RASEF: variants seen among roughly 807,000 people sequenced by gnomAD.
RASEF encodes the protein RAS and EF-hand domain containing.
In RASEF, 68 loss-of-function variants were observed where a neutral mutation model predicts 90.1. The ratio of observed to expected loss-of-function variants is 0.75; its 90% confidence interval spans 0.62 to 0.92. The LOEUF (loss-of-function observed/expected upper bound fraction) is 0.92, where lower values mean the gene tolerates loss of function less well. Among genes scored for constraint, RASEF ranks in the 40% least tolerant of loss-of-function variants. RASEF has a pLI of 0.00. For synonymous variants in RASEF, 331 were observed against 345.2 expected, an observed-to-expected ratio of 0.96 and a Z score of 0.46; for missense variants, 949 against 937.2, an observed-to-expected ratio of 1.01 and a Z score of -0.16.
rs1291116144 is a variant in RASEF at position 82,982,745 on chromosome 9, A to G, written c.2155T>C (p.Ser719Pro). ...KKRTDKDDSR[S>P]ITNLTGTNSK... The stretch of plus-strand genomic sequence containing the variant: ...TTGGTCCCGGTTAGATTGGTAATGG[A>G]TCTGCTGTCATCCTTGTCAGTTCTC... The change falls in exon 17 of 17, where the codon TCC becomes CCC. Residue 719 changes from serine (S) to proline (P), a missense_variant. Ser to Pro is a moderately conservative substitution (Grantham distance 74). Transcript: ENST00000376447. 1 of 1,608,964 alleles carries G rather than the reference A, an allele frequency of 6.2e-7. No individual in the cohort carries two copies. Among genetic ancestry groups the G allele is most frequent in the African/African-American group, 1.3e-5 (1 of 74,858 alleles).
At chr9:83,193,762 A>C in the RASEF span, among the ~76,000 whole-genome samples, 1 of 152,230 alleles carries the variant, frequency 6.6e-6, no homozygotes. Context: ...ATGACTGAAG[A>C]CAAATGGGCA....
the RASEF span, among the ~76,000 whole-genome samples, chr9:83,210,769 A>G: frequency 6.6e-6 from 1 of 152,246 alleles, no homozygotes; most frequent in Non-Finnish European, 1.5e-5. Flanking sequence ...TTATAGGTAT[A>G]GTATAAATAG....
At chr9:83,186,917 T>G in the RASEF span, among the ~76,000 whole-genome samples, 2 of 152,218 alleles carry the variant, frequency 1.3e-5, no homozygotes, top group South Asian at 4.2e-4. Flanking sequence ...TTCTTAGAGA[T>G]AGCAAAGGGT....
intron 9 of RASEF, among the ~76,000 whole-genome samples, chr9:83,003,240 G>T (rs1829070515): frequency 6.6e-6 from 1 of 152,092 alleles, no homozygotes; most frequent in African/African-American, 2.4e-5. Context: ...ACACCCAGAA[G>T]GGGCATGGTG....
At chr9:83,130,119 A>G in the RASEF span, among the ~76,000 whole-genome samples, 1 of 152,228 alleles carries the variant, frequency 6.6e-6, no homozygotes, top group African/African-American at 2.4e-5. Context: ...CATTCTTTAG[A>G]GCTCACATTC....
the RASEF span, among the ~76,000 whole-genome samples, chr9:83,132,547 T>G: frequency 6.6e-6 from 1 of 152,170 alleles, no homozygotes. Flanking sequence ...GGCAATTAGT[T>G]TCACAGCAAT....
At chr9:83,119,000 TTTC>T in the RASEF span, among the ~76,000 whole-genome samples, 1 of 135,700 alleles carries the variant, frequency 7.4e-6, no homozygotes, top group Non-Finnish European at 1.6e-5. Flanking sequence ...ATTTTTTCTT[TTTC>T]TTTTCTTTTT....
the RASEF span, among the ~76,000 whole-genome samples, chr9:83,164,002 A>G: frequency 6.6e-6 from 1 of 151,060 alleles, no homozygotes; most frequent in African/African-American, 2.4e-5. Context: ...AGAGGAAAAA[A>G]AAAAAACCCT....
At chr9:83,058,798 C>T (rs1041885690) in intron 1 of RASEF, among the ~76,000 whole-genome samples, 2 of 152,158 alleles carry the variant, frequency 1.3e-5, no homozygotes, top group African/African-American at 2.4e-5. Context: ...ATACAATTCA[C>T]ATATGGAAAG....
At chr9:83,070,799 C>T in the RASEF span, among the ~76,000 whole-genome samples, 1 of 152,228 alleles carries the variant, frequency 6.6e-6, no homozygotes, top group African/African-American at 2.4e-5. Flanking sequence ...TATTTTCTCT[C>T]AACAATGTTG....
At chr9:83,074,038 A>G in the RASEF span, among the ~76,000 whole-genome samples, 1 of 152,186 alleles carries the variant, frequency 6.6e-6, no homozygotes, top group African/African-American at 2.4e-5. Flanking sequence ...ATATTTATGT[A>G]TATTTTCAAT....
the RASEF span, among the ~76,000 whole-genome samples, chr9:83,162,284 T>G: frequency 6.6e-6 from 1 of 152,160 alleles, no homozygotes; most frequent in South Asian, 2.1e-4. Context: ...AATGAAGCTT[T>G]GAAGAAGATA....
chr9:83,060,425 T>G (rs1269486617), intron 1 of RASEF, among the ~76,000 whole-genome samples: 1 of 152,208 alleles, frequency 6.6e-6, no homozygotes, highest in Non-Finnish European at 1.5e-5. Context: ...ATGAAGTTGC[T>G]GGAAAAATGT....
chr9:82,994,207 C>T (rs1017001992), intron 14 of RASEF, among the ~76,000 whole-genome samples: 2 of 152,194 alleles, frequency 1.3e-5, no homozygotes, highest in Admixed American at 6.5e-5. Context: ...GAATGGCCCT[C>T]TCCAAAATTA....
At chr9:83,134,410 G>GCGCA in the RASEF span, among the ~76,000 whole-genome samples, 3 of 139,046 alleles carry the variant, frequency 2.2e-5, no homozygotes, top group Non-Finnish European at 3.1e-5. Flanking sequence ...TCACAATAGC[G>GCGCA]CACACACACA....
At chr9:83,077,614 A>C in the RASEF span, among the ~76,000 whole-genome samples, 3 of 152,234 alleles carry the variant, frequency 2.0e-5, no homozygotes, top group African/African-American at 4.8e-5. Flanking sequence ...AAAGAGGGAA[A>C]GATCTAAAGA....
chr9:83,046,073 C>T (rs60729079), intron 1 of RASEF, among the ~76,000 whole-genome samples: 6,336 of 151,158 alleles, frequency 0.042, 404 homozygotes, highest in African/African-American at 0.14. Flanking sequence ...TGTTTAAACA[C>T]TTTTTCAGAT....
chr9:83,011,866 A>C (rs1273418743), intron 5 of RASEF, among the ~76,000 whole-genome samples: 3 of 152,326 alleles, frequency 2.0e-5, no homozygotes, highest in Admixed American at 1.3e-4. Flanking sequence ...GAGATAATAA[A>C]TGGAGAGAAA....
At chr9:83,173,204 T>C in the RASEF span, among the ~76,000 whole-genome samples, 1 of 151,942 alleles carries the variant, frequency 6.6e-6, no homozygotes, top group Non-Finnish European at 1.5e-5. Flanking sequence ...GAGAGTTTGA[T>C]TATTTTATGT....
Sources: allele counts gnomAD v4.1 joint callset (sites outside exome capture counted in the v4.1 genomes callset), GRCh38; gene constraint gnomAD v4.1.1; transcripts MANE v1.5; gene names NCBI Gene and HGNC (gene_info 2026-07-23, HGNC 2026-07-21).